Variants in ADGRL3 observed in about 807,000 individuals in gnomAD.
ADGRL3 encodes adhesion G protein-coupled receptor L3.
In ADGRL3, 62 loss-of-function variants were observed where a neutral mutation model predicts 153.5. The observed-to-expected ratio is 0.40, with a 90% confidence interval of 0.33 to 0.50. The LOEUF (loss-of-function observed/expected upper bound fraction) is 0.50, where lower values mean the gene tolerates loss of function less well. Ranked by LOEUF, ADGRL3 falls within the 20% of genes least tolerant of loss-of-function variation. The pLI, the probability that ADGRL3 is intolerant of heterozygous loss-of-function variation, is 0.47. For synonymous variants in ADGRL3, 710 were observed against 672.5 expected (o/e 1.06, Z -0.86); for missense variants, 1,641 against 1,859.4 (o/e 0.88, Z 2.16).
chr4:61,820,766 G>C (rs998373487), intron 9 of ADGRL3, among the ~76,000 whole-genome samples: 2 of 152,098 alleles, frequency 1.3e-5, no homozygotes, highest in African/African-American at 4.8e-5. Context: ...TTGTAAATAA[G>C]TACATGAGAG....
chr4:61,760,358 C>T (rs1036843766), intron 8 of ADGRL3, among the ~76,000 whole-genome samples: 7 of 152,162 alleles, frequency 4.6e-5, no homozygotes, highest in South Asian at 2.1e-4. Flanking sequence ...TCGGCAATGG[C>T]GGGCGCCCCT....
intron 9 of ADGRL3, among the ~76,000 whole-genome samples, chr4:61,861,200 G>A (rs2098336903): frequency 6.6e-6 from 1 of 152,120 alleles, no homozygotes; most frequent in Non-Finnish European, 1.5e-5. Context: ...TAAAAGCAAG[G>A]ATTTGGAAAT....
chr4:61,575,969 T>G (rs2098876015), intron 4 of ADGRL3, among the ~76,000 whole-genome samples: 1 of 152,056 alleles, frequency 6.6e-6, no homozygotes, highest in African/African-American at 2.4e-5. Flanking sequence ...ACAAATATAA[T>G]AGAGTGCTTT....
intron 8 of ADGRL3, among the ~76,000 whole-genome samples, chr4:61,777,564 G>A (rs2097167577): frequency 6.6e-6 from 1 of 151,980 alleles, no homozygotes; most frequent in Admixed American, 6.6e-5. Flanking sequence ...AATAATTCAC[G>A]TGAACACAGG....
chr4:62,061,272 C>T (rs1739990734), intron 25 of ADGRL3, among the ~76,000 whole-genome samples: 1 of 151,652 alleles, frequency 6.6e-6, no homozygotes, highest in South Asian at 2.1e-4. Flanking sequence ...TGTGCCCTGC[C>T]TAGATTACTT....
chr4:61,916,488 G>A (rs1048475139), intron 13 of ADGRL3, among the ~76,000 whole-genome samples: 5 of 150,104 alleles, frequency 3.3e-5, no homozygotes, highest in Non-Finnish European at 7.4e-5. Flanking sequence ...AAAATAGAGA[G>A]TTTTAAGTTT....
intron 2 of ADGRL3, among the ~76,000 whole-genome samples, chr4:61,467,945 T>C (rs1248751840): frequency 6.6e-6 from 1 of 152,174 alleles, no homozygotes; most frequent in African/African-American, 2.4e-5. Flanking sequence ...ACTGATGTTC[T>C]GACAAATTTA....
chr4:61,319,881 C>T (rs1287489477), intron 1 of ADGRL3, among the ~76,000 whole-genome samples: 1 of 152,034 alleles, frequency 6.6e-6, no homozygotes, highest in Non-Finnish European at 1.5e-5. Context: ...ATTGTTTCTC[C>T]TCTGGTATGT....
chr4:61,348,178 C>A (rs755042888), intron 1 of ADGRL3, among the ~76,000 whole-genome samples: 1 of 152,018 alleles, frequency 6.6e-6, no homozygotes, highest in African/African-American at 2.4e-5. Flanking sequence ...CAGAGACAGA[C>A]GCTCTTTATT....
chr4:61,464,945 A>G (rs186412638), intron 2 of ADGRL3, among the ~76,000 whole-genome samples: 4 of 152,224 alleles, frequency 2.6e-5, no homozygotes, highest in African/African-American at 9.6e-5. Context: ...TTACATCCCT[A>G]CCTTCTGAAT....
chr4:61,982,539 T>C (rs1241621708), intron 18 of ADGRL3, among the ~76,000 whole-genome samples: 2 of 152,194 alleles, frequency 1.3e-5, no homozygotes, highest in African/African-American at 2.4e-5. Flanking sequence ...GTAGCAGTTA[T>C]AGATTTTAGT....
chr4:61,635,454 G>A (rs760734486), intron 5 of ADGRL3, among the ~76,000 whole-genome samples: 47 of 152,138 alleles, frequency 3.1e-4, no homozygotes, highest in Non-Finnish European at 5.9e-4. Flanking sequence ...AAAAGTACCA[G>A]GAAATGGCCC....
intron 9 of ADGRL3, among the ~76,000 whole-genome samples, chr4:61,828,499 ATGT>A (rs1436883901): frequency 6.6e-6 from 1 of 152,174 alleles, no homozygotes; most frequent in Non-Finnish European, 1.5e-5. Flanking sequence ...CAGAAATTTG[ATGT>A]TGGTATCTTA....
chr4:61,675,944 TC>T (rs2095176055), intron 5 of ADGRL3, among the ~76,000 whole-genome samples: 1 of 151,210 alleles, frequency 6.6e-6, no homozygotes, highest in South Asian at 2.1e-4. Context: ...CTTCACTTCC[TC>T]CCCCCTCTAC....
chr4:61,975,092 C>T (rs1431000426), intron 17 of ADGRL3, among the ~76,000 whole-genome samples: 1 of 152,040 alleles, frequency 6.6e-6, no homozygotes. Flanking sequence ...AACTTATTCT[C>T]TTAGAGCTTT....
At chr4:62,066,257 T>C in intron 25 of ADGRL3, among the ~76,000 whole-genome samples, 1 of 152,076 alleles carries the variant, frequency 6.6e-6, no homozygotes, top group East Asian at 1.9e-4. Flanking sequence ...TATAGGTGGC[T>C]CGGTATGTAC....
At chr4:61,700,272 T>C (rs1007478151) in intron 6 of ADGRL3, among the ~76,000 whole-genome samples, 7 of 150,272 alleles carry the variant, frequency 4.7e-5, no homozygotes, top group Non-Finnish European at 1.0e-4. Context: ...AGGACTCTAA[T>C]ACTGGCTTGT....
At chr4:61,668,459 A>T (rs2094878241) in intron 5 of ADGRL3, among the ~76,000 whole-genome samples, 2 of 152,234 alleles carry the variant, frequency 1.3e-5, no homozygotes, top group South Asian at 4.1e-4. Context: ...GAAGCAACAG[A>T]AAAAACGAAT....
intron 15 of ADGRL3, among the ~76,000 whole-genome samples, chr4:61,945,598 C>T (rs1397149600): frequency 3.0e-5 from 4 of 134,582 alleles, no homozygotes; most frequent in African/African-American, 5.6e-5. Flanking sequence ...ATTCCGTGGG[C>T]GTAGGACCCT....
Sources: allele counts gnomAD v4.1 joint callset (sites outside exome capture counted in the v4.1 genomes callset), GRCh38; gene constraint gnomAD v4.1.1; transcripts MANE v1.5; gene names NCBI Gene and HGNC (gene_info 2026-07-23, HGNC 2026-07-21).